The following INPP5A variants were observed in gnomAD, a reference collection of about 807,000 sequenced individuals.
INPP5A encodes the protein 43 kDa inositol polyphosphate 5-phophatase.
A neutral mutation model predicts 65.2 loss-of-function variants in INPP5A; 14 were observed. That is an observed-to-expected ratio of 0.21 (90% CI 0.14 to 0.34). The LOEUF (loss-of-function observed/expected upper bound fraction) is 0.34. Ranked by LOEUF, INPP5A falls within the 10% of genes least tolerant of loss-of-function variation. The probability of loss-of-function intolerance (pLI) is 1.00; values close to 1 mark genes in which losing one functional copy is unlikely to be tolerated. For missense variants in INPP5A, 431 were observed against 545.6 expected (o/e 0.79, Z 2.09); for synonymous variants, 207 against 208.3 (o/e 0.99, Z 0.05).
rs182015348 is a variant in INPP5A at position 132,689,319 on chromosome 10, C to T, written c.307-1073C>T. Among the ~76,000 whole-genome samples, 81 of 152,304 alleles carry T rather than the reference C, an allele frequency of 5.3e-4. No individual in the cohort carries two copies. The East Asian group carries it at 0.014, about 27-fold the overall frequency. ...CTCCCTGCAGGCAGCCCCTGCCCTC[C>T]GTCTGCAGCTGCGCCCGTGTGCCCT... is the stretch of plus-strand genomic sequence containing the variant. On this transcript the variant is annotated intron_variant, in intron 4 of 15. Coordinates refer to ENST00000368594, the MANE Select transcript of INPP5A (RefSeq NM_005539.5).
chr10:132,559,183 CG>C (rs1323699134), intron 1 of INPP5A, among the ~76,000 whole-genome samples: 1 of 152,178 alleles, frequency 6.6e-6, no homozygotes, highest in Non-Finnish European at 1.5e-5. Context: ...GCCCGCCGCT[CG>C]GGGCCGTCGG....
At chr10:132,597,621 A>C (rs2071720456) in intron 1 of INPP5A, among the ~76,000 whole-genome samples, 2 of 152,140 alleles carry the variant, frequency 1.3e-5, no homozygotes, top group African/African-American at 4.8e-5. Flanking sequence ...GGTTGTAAAA[A>C]CTGTATTAAC....
Position 132,663,829 on chromosome 10 carries a change from G to A in INPP5A, c.306+13324G>A, listed in dbSNP as rs1438589746. Among the ~76,000 whole-genome samples the A allele has an allele frequency of 3.3e-5, 5 of 152,124 alleles. No individual in the cohort carries two copies. Among genetic ancestry groups the A allele is most frequent in the East Asian group, 3.9e-4 (2 of 5,172 alleles). On this transcript the variant is annotated intron_variant, in intron 4 of 15. Transcript: ENST00000368594. This position sits in a 1 kb window ranked among gnomAD's most constrained non-coding sequence, Gnocchi z 4.5. Reference sequence around the variant, plus strand: ...TCTGAGCCGTGAGCTGGGCAGGGCCGCGCTCACATCATTCCTCTCCCCCTG... The same window carrying A: ...TCTGAGCCGTGAGCTGGGCAGGGCCACGCTCACATCATTCCTCTCCCCCTG...
At position 132,762,691 on chromosome 10, in the gene INPP5A, A is replaced by G. The variant is rs1279187509; in HGVS notation, c.904-3082A>G. Among the ~76,000 whole-genome samples the G allele has an allele frequency of 6.6e-6, 1 of 152,102 alleles. No homozygotes were observed. The highest frequency in any genetic ancestry group is 1.9e-4 in the East Asian group (1 of 5,190). On this transcript the variant is annotated intron_variant, in intron 11 of 15. Coordinates refer to ENST00000368594, the MANE Select transcript of INPP5A (RefSeq NM_005539.5). This position sits in a 1 kb window ranked among gnomAD's most constrained non-coding sequence, Gnocchi z 4.6. Reference sequence around the variant, plus strand: ...GGCTGAGGCGAGCTGCTTTTTGTGGACTCATGCATGGCGGTAATATAGAAA... The same window carrying G: ...GGCTGAGGCGAGCTGCTTTTTGTGGGCTCATGCATGGCGGTAATATAGAAA...
At chr10:132,724,012 A>G (rs1241154977) in intron 8 of INPP5A, among the ~76,000 whole-genome samples, 2 of 152,248 alleles carry the variant, frequency 1.3e-5, no homozygotes, top group Non-Finnish European at 2.9e-5. Context: ...CCAATTAAAA[A>G]GGTAAACAAG....
Position 132,675,637 on chromosome 10 carries a change from C to T in INPP5A, c.307-14755C>T, listed in dbSNP as rs1213683950. Among the ~76,000 whole-genome samples, 2 of 152,218 alleles carry T rather than the reference C, an allele frequency of 1.3e-5. No individual in the cohort carries two copies. Among genetic ancestry groups the T allele is most frequent in the African/African-American group, 4.8e-5 (2 of 41,462 alleles). On this transcript the variant is annotated intron_variant, in intron 4 of 15. Coordinates refer to ENST00000368594, the MANE Select transcript of INPP5A (RefSeq NM_005539.5). The surrounding 1 kb of genome is among the most constrained non-coding windows in gnomAD (Gnocchi z 4.2). ...CACGGGGATATTCCCACGCGGAGAACTGGGACCCCGATCAGGGTCTGGAGG... is the reference window on the plus strand; with the variant it reads ...CACGGGGATATTCCCACGCGGAGAATTGGGACCCCGATCAGGGTCTGGAGG...
chr10:132,665,941 G>A (rs1005791507), intron 4 of INPP5A, among the ~76,000 whole-genome samples: 1 of 152,020 alleles, frequency 6.6e-6, no homozygotes, highest in Non-Finnish European at 1.5e-5. Flanking sequence ...TGTAGTCGCA[G>A]CTACTTGGGA....
Position 132,650,374 on chromosome 10 carries a change from C to T in INPP5A, c.219-44C>T, listed in dbSNP as rs764997456. 2.2e-5 allele frequency: 29 copies of T among 1,344,100 alleles called. No individual in the cohort carries two copies. Among genetic ancestry groups the T allele is most frequent in the South Asian group, 4.7e-5 (4 of 85,512 alleles). 83.3% of individuals were successfully genotyped at this position (1,344,100 alleles called of 1,614,324 possible). A position where few individuals can be genotyped will look rare whatever the true frequency, so the allele number is the denominator to read the frequency against. On this transcript the variant is annotated intron_variant, in intron 3 of 15. Transcript: ENST00000368594. The surrounding 1 kb of genome is among the most constrained non-coding windows in gnomAD (Gnocchi z 5.5). Reference sequence around the variant, plus strand: ...TGTGGTCATCTCATGAGGTGCAAGGCGTCTGTGTGGCTTTTCCTCAGGAAC... The same window carrying T: ...TGTGGTCATCTCATGAGGTGCAAGGTGTCTGTGTGGCTTTTCCTCAGGAAC...
At position 132,781,829 on chromosome 10, in the gene INPP5A, C is replaced by A. The variant is rs777124493; in HGVS notation, c.1159-32C>A. 3 of 1,588,542 alleles carry A rather than the reference C, an allele frequency of 1.9e-6. No individual in the cohort carries two copies. The South Asian group carries it at 3.3e-5, about 18-fold the overall frequency. On this transcript the variant is annotated intron_variant, in intron 14 of 15. Coordinates refer to ENST00000368594, the MANE Select transcript of INPP5A (RefSeq NM_005539.5). ...ATGTGCTGTGCTGTCCCGCGTGCGC[C>A]GTGCTGACACCGTCCTCTCTTCCTG...
At chr10:132,584,415 T>C (rs1419336551) in intron 1 of INPP5A, among the ~76,000 whole-genome samples, 3 of 152,260 alleles carry the variant, frequency 2.0e-5, no homozygotes, top group Non-Finnish European at 4.4e-5. Context: ...CTTTAATAGA[T>C]AAAAGTTTTC....
rs981539448 is a variant in INPP5A, at chr10:132,644,420, G to A, written c.118-1448G>A. On this transcript the variant is annotated intron_variant, in intron 2 of 15. Transcript: ENST00000368594. The surrounding 1 kb of genome is among the most constrained non-coding windows in gnomAD (Gnocchi z 6.5). ...CCTGCAGCACAGACAGGGCCTGTCC[G>A]CCGGGCTTGGTTGGAACCATTTCTG... is the stretch of plus-strand genomic sequence containing the variant. 7.9e-5 allele frequency among the ~76,000 whole-genome samples: 12 copies of A among 152,152 alleles called. No homozygotes were observed. Among genetic ancestry groups the A allele is most frequent in the African/African-American group, 2.7e-4 (11 of 41,424 alleles).
In INPP5A at chr10:132,616,678, T is replaced by TGGAGGTGGTGTGG. The variant is rs2072038484; in HGVS notation, c.117+8723_117+8735dup. Among the ~76,000 whole-genome samples the TGGAGGTGGTGTGG allele has an allele frequency of 6.7e-6, 1 of 148,574 alleles. No homozygotes were observed. Among genetic ancestry groups the TGGAGGTGGTGTGG allele is most frequent in the East Asian group, 2.0e-4 (1 of 4,918 alleles). On this transcript the variant is annotated intron_variant, in intron 2 of 15. Coordinates refer to ENST00000368594, the MANE Select transcript of INPP5A (RefSeq NM_005539.5). The surrounding 1 kb of genome is among the most constrained non-coding windows in gnomAD (Gnocchi z 4.9). Reference sequence around the variant, plus strand: ...GTGACAGGGTAGGGTGTGGTGGTGATGGAGGTGGTGTGGTAATGTGGCGTG... The same window carrying TGGAGGTGGTGTGG: ...GTGACAGGGTAGGGTGTGGTGGTGATGGAGGTGGTGTGGGGAGGTGGTGTGGTAATGTGGCGTG...
chr10:132,589,290 A>G (rs2071587930), intron 1 of INPP5A, among the ~76,000 whole-genome samples: 1 of 152,220 alleles, frequency 6.6e-6, no homozygotes, highest in Non-Finnish European at 1.5e-5. Flanking sequence ...CCACGTGCGC[A>G]TGCGGGCTCG....
At chr10:132,562,736 C>T (rs1311036463) in intron 1 of INPP5A, among the ~76,000 whole-genome samples, 4 of 152,236 alleles carry the variant, frequency 2.6e-5, no homozygotes, top group Non-Finnish European at 5.9e-5. Context: ...CGGCTCATCT[C>T]GAGGGTGAAT....
chr10:132,595,235 G>T (rs2071670455), intron 1 of INPP5A, among the ~76,000 whole-genome samples: 1 of 152,244 alleles, frequency 6.6e-6, no homozygotes, highest in Non-Finnish European at 1.5e-5. Context: ...GAGGAAGGGG[G>T]CCAGGGCATG....
chr10:132,670,843 CTTTTTTTTTTTTTTT>C (rs11289296), intron 4 of INPP5A, among the ~76,000 whole-genome samples: 1 of 117,022 alleles, frequency 8.5e-6, no homozygotes, highest in African/African-American at 3.2e-5. Context: ...GTCTTTCTTT[CTTTTTTTTTTTTTTT>C]TTTTTTTAAG....
Position 132,726,491 on chromosome 10 carries a change from AGCCGTGGTTTTCCATGCGTGAG to A in INPP5A, c.648-327_648-306del, listed in dbSNP as rs1189753048. On this transcript the variant is annotated intron_variant, in intron 8 of 15. Coordinates refer to ENST00000368594, the MANE Select transcript of INPP5A (RefSeq NM_005539.5). ...TCCGGCCCTTTCCCGTTCTCGGGGC[AGCCGTGGTTTTCCATGCGTGAG>A]GCTCTCACGCTGCCCTGGCCCAGTG... 2.0e-5 allele frequency among the ~76,000 whole-genome samples: 3 copies of A among 152,044 alleles called. No homozygotes were observed. The East Asian group carries it at 5.8e-4, about 29-fold the overall frequency.
Position 132,642,937 on chromosome 10 carries a change from A to G in INPP5A, c.118-2931A>G, listed in dbSNP as rs73383157. On this transcript the variant is annotated intron_variant, in intron 2 of 15. Transcript: ENST00000368594. ...AACTGAGAGTATGTGCTGTTGACGT[A>G]GCTGAGCTCACGTTCCGTCCAGTAC... 2.9e-3 allele frequency among the ~76,000 whole-genome samples: 446 copies of G among 152,322 alleles called. 2 individuals carry two copies. The highest frequency in any genetic ancestry group is 0.01 in the African/African-American group (426 of 41,552).
chr10:132,541,861 T>C (rs1488461222), intron 1 of INPP5A, among the ~76,000 whole-genome samples: 1 of 152,248 alleles, frequency 6.6e-6, no homozygotes, highest in Admixed American at 6.5e-5. Context: ...CCTGGGACTT[T>C]CCCAGGCTTA....
Sources: gnomAD v4.1 joint callset for allele counts (sites outside exome capture counted in the v4.1 genomes callset) on GRCh38, gnomAD v4.1.1 for gene constraint, Gnocchi (gnomAD v3.1) non-coding constraint, MANE v1.5 for transcripts, NCBI Gene and HGNC (gene_info 2026-07-23, HGNC 2026-07-21) for gene names.